Variants in GBP5 observed in about 807,000 individuals in gnomAD.
GBP5 encodes the protein guanylate binding protein 5.
GBP5 carries 48 observed loss-of-function variants against 58.2 expected under a neutral mutation model. The ratio of observed to expected loss-of-function variants is 0.83; its 90% confidence interval spans 0.65 to 1.05. The LOEUF (loss-of-function observed/expected upper bound fraction) is 1.05, where lower values mean the gene tolerates loss of function less well. Among genes scored for constraint, GBP5 ranks in the 50% least tolerant of loss-of-function variants. GBP5 has a pLI of 0.00. For missense variants in GBP5, 714 were observed against 686.8 expected (o/e 1.04, Z -0.44); for synonymous variants, 248 against 251.8 (o/e 0.98, Z 0.14).
intron 1 of GBP5, chr1:89,271,942 T>C (rs2100602392): frequency 6.6e-6 from 1 of 152,354 alleles, no homozygotes; most frequent in East Asian, 1.9e-4. Flanking sequence ...AAATCTACTT[T>C]CAAACAAAGT....
chr1:89,260,294 G>A lies in GBP5; in HGVS notation c.*410C>T, dbSNP rs112340058. 1.5e-4 allele frequency: 23 copies of A among 158,450 alleles called. No individual in the cohort carries two copies. The highest frequency in any genetic ancestry group is 3.1e-4 in the Non-Finnish European group (22 of 71,826). The allele number at this position is 158,450 out of a possible 1,614,324, so 9.8% of individuals were successfully genotyped here. On this transcript the variant is annotated 3_prime_UTR_variant, in exon 12 of 12. Coordinates refer to ENST00000370459, the MANE Select transcript of GBP5 (RefSeq NM_052942.5). ...GCTGCTCACCTCCTGCTGTGTGGCC[G>A]GGTTCCTAAGAGGCCACAGATCAGA...
At position 89,260,936 on chromosome 1, in the gene GBP5, C is replaced by T; in HGVS notation, c.1648-119G>A. Reference sequence around the variant, plus strand: ...AAACAGTTCCTGAATATCTCTCTTCCATTCACGTGCATCTAACCTATTTCT... The same window carrying T: ...AAACAGTTCCTGAATATCTCTCTTCTATTCACGTGCATCTAACCTATTTCT... On this transcript the variant is annotated intron_variant, in intron 11 of 11. Coordinates refer to ENST00000370459, the MANE Select transcript of GBP5 (RefSeq NM_052942.5). 1.1e-5 allele frequency: 7 copies of T among 663,414 alleles called. No homozygotes were observed. In the South Asian group the frequency reaches 1.2e-4, roughly 12 times the overall value. 41.1% of individuals were successfully genotyped at this position (663,414 alleles called of 1,614,324 possible).
At position 89,263,750 on chromosome 1, in the gene GBP5, G is replaced by A. The variant is rs751275007; in HGVS notation, c.1348C>T (p.Arg450Trp). Residue 450 changes from arginine to tryptophan, a missense_variant, in exon 9 of 12, where the codon CGG becomes TGG. Physicochemically the swap from Arg to Trp is moderately radical, Grantham distance 101. Transcript: ENST00000370459. ...ELKAKYYREP[R>W]KGIQAEEVLQ... is the part of the protein sequence containing the mutation. ...ACTAGGGATACCTGTATTCCTTTCC[G>A]AGGCTCCCGATAGTACTTTGCCTTC... The A allele has an allele frequency of 1.1e-5, 18 of 1,612,386 alleles. No homozygotes were observed. The highest frequency in any genetic ancestry group is 2.7e-5 in the African/African-American group (2 of 74,808).
chr1:89,267,183 A>C, intron 5 of GBP5, 30 bp from the exon 6 acceptor site: 1 of 1,541,822 alleles, frequency 6.5e-7, no homozygotes. Context: ...AACTGGCAGA[A>C]ATAGGACCAC....
chr1:89,268,107 T>C (rs1357653754), intron 4 of GBP5, among the ~76,000 whole-genome samples: 1 of 152,252 alleles, frequency 6.6e-6, no homozygotes, highest in East Asian at 1.9e-4. Context: ...ATTGTGTGCA[T>C]GTCTTCCCAA....
Position 89,263,900 on chromosome 1 carries a change from C to G in GBP5, c.1198G>C (p.Ala400Pro). ...QNDICKRNLE[A>P]SSDYCSALLK... is the part of the protein sequence containing the mutation. Reference sequence around the variant, plus strand: ...AAAGCCGAGCAATAATCCGAGGATGCTTCCAGGTTCCGTTTACAAATGTCA... The same window carrying G: ...AAAGCCGAGCAATAATCCGAGGATGGTTCCAGGTTCCGTTTACAAATGTCA... The change falls in exon 9 of 12, where the codon GCA (alanine) becomes CCA (proline). Residue 400 changes from alanine (A) to proline (P), a missense_variant. Coordinates refer to ENST00000370459, the MANE Select transcript of GBP5 (RefSeq NM_052942.5). 1 of 1,612,446 alleles carries G rather than the reference C, an allele frequency of 6.2e-7. No homozygotes were observed. Among genetic ancestry groups the G allele is most frequent in the Non-Finnish European group, 8.5e-7 (1 of 1,179,646 alleles).
intron 7 of GBP5, 25 bp from the exon 8 acceptor site, chr1:89,264,991 T>C (rs1251676128): frequency 1.3e-6 from 2 of 1,590,274 alleles, no homozygotes; most frequent in Non-Finnish European, 1.7e-6. Context: ...GAAACATTTA[T>C]ATTATTTGCA....
intron 2 of GBP5, 129 bp from the exon 3 acceptor site, chr1:89,269,703 G>T (rs537661479): frequency 1.8e-6 from 1 of 551,860 alleles, no homozygotes; most frequent in Non-Finnish European, 3.1e-6. Flanking sequence ...GAAAAAAAAA[G>T]TTTTAAAATA....
At chr1:89,266,656 T>A (rs1398918392) in intron 6 of GBP5, 68 bp from the exon 7 acceptor site, 11 of 1,388,180 alleles carry the variant, frequency 7.9e-6, no homozygotes, top group Non-Finnish European at 1.1e-5. Context: ...TTACCTTGAA[T>A]AAATGTCCTT....
chr1:89,264,044 C>G (rs192799320), intron 8 of GBP5, 96 bp from the exon 9 acceptor site: 1 of 811,708 alleles, frequency 1.2e-6, no homozygotes, highest in Non-Finnish European at 2.0e-6. Context: ...TTTCTACAAA[C>G]TTAGAGCAAG....
rs1650060842 is a variant in GBP5, at chr1:89,262,793, C to A, written c.1363-8G>T. Reference sequence around the variant, plus strand: ...CTGCAGAACTTCTTCAGCCTAGCAACCCGGAAAACATGCAGTTAGATGCAG... The same window carrying A: ...CTGCAGAACTTCTTCAGCCTAGCAAACCGGAAAACATGCAGTTAGATGCAG... On this transcript the variant is annotated splice_region_variant and splice_polypyrimidine_tract_variant and intron_variant, in intron 9 of 11. Coordinates refer to ENST00000370459, the MANE Select transcript of GBP5 (RefSeq NM_052942.5). 2.0e-6 allele frequency: 3 copies of A among 1,521,464 alleles called. No homozygotes were observed. The highest frequency in any genetic ancestry group is 1.4e-5 in the African/African-American group (1 of 70,632). The allele number at this position is 1,521,464 out of a possible 1,614,324, so 94.2% of individuals were successfully genotyped here.
intron 11 of GBP5, 139 bp downstream of exon 11, chr1:89,262,081 G>A (rs918046587): frequency 1.3e-6 from 1 of 752,846 alleles, no homozygotes; most frequent in Non-Finnish European, 2.3e-6. Context: ...CTAAGAGGTG[G>A]AGCTTGGATT....
rs781223878 is a variant in GBP5 at position 89,262,814 on chromosome 1, T to C, written c.1363-29A>G. The C allele has an allele frequency of 2.1e-5, 26 of 1,258,630 alleles. No individual in the cohort carries two copies. In the South Asian group the frequency reaches 3.0e-4, roughly 15 times the overall value. 78.0% of individuals were successfully genotyped at this position (1,258,630 alleles called of 1,614,324 possible). On this transcript the variant is annotated intron_variant, in intron 9 of 11. Transcript: ENST00000370459. ...GCAACCCGGAAAACATGCAGTTAGA[T>C]GCAGGAAATGGTGATTAGGAATGTT... is the stretch of plus-strand genomic sequence containing the variant.
Position 89,266,578 on chromosome 1 carries a change from T to C in GBP5, c.636A>G (p.Gln212=), listed in dbSNP as rs1225365464. 3.1e-6 allele frequency: 5 copies of C among 1,612,110 alleles called. No homozygotes were observed. In the African/African-American group the frequency reaches 5.3e-5, roughly 17 times the overall value. Residue 212 remains glutamine, a synonymous_variant, in exon 7 of 12, where the codon CAA becomes CAG. Coordinates refer to ENST00000370459, the MANE Select transcript of GBP5 (RefSeq NM_052942.5). The part of the protein sequence containing the change: ...NSLRPKQGSD[Q]RVQNFNLPRL... Reference sequence around the variant, plus strand: ...GGGGCAAATTGAAATTTTGAACTCTTTGATCACTACCTGGAGAATAAAAAA... The same window carrying C: ...GGGGCAAATTGAAATTTTGAACTCTCTGATCACTACCTGGAGAATAAAAAA...
intron 9 of GBP5, 146 bp from the exon 10 acceptor site, chr1:89,262,931 A>G: frequency 7.4e-6 from 4 of 538,786 alleles, no homozygotes; most frequent in Non-Finnish European, 1.3e-5. Context: ...GGTGGAGCCT[A>G]TACAGGCTTC....
rs148476506 is a variant in GBP5 at position 89,266,678 on chromosome 1, C to T, written c.626-90G>A. ...GAATAAATGTCCTTCCACCTGATGT[C>T]ACTTAGATTAATATATCTTCATAAA... On this transcript the variant is annotated intron_variant, in intron 6 of 11. Transcript: ENST00000370459. 563 of 1,203,622 alleles carry T rather than the reference C, an allele frequency of 4.7e-4. 9 individuals carry two copies. The East Asian group carries it at 0.011, about 24-fold the overall frequency. 74.6% of individuals were successfully genotyped at this position (1,203,622 alleles called of 1,614,324 possible).
At chr1:89,271,777 T>C (rs918564643) in intron 1 of GBP5, 1 of 152,178 alleles carries the variant, frequency 6.6e-6, no homozygotes, top group African/African-American at 2.4e-5. Context: ...CCAGACAGTA[T>C]TGAGGGATCC....
At chr1:89,261,689 T>C (rs1057017010) in intron 11 of GBP5, among the ~76,000 whole-genome samples, 3 of 152,162 alleles carry the variant, frequency 2.0e-5, no homozygotes, top group Non-Finnish European at 2.9e-5. Context: ...CTGACAGTGA[T>C]TGGTAAATAA....
At position 89,262,231 on chromosome 1, in the gene GBP5, G is replaced by T; in HGVS notation, c.1636C>A (p.Gln546Lys). The T allele has an allele frequency of 6.2e-7, 1 of 1,614,118 alleles. No homozygotes were observed. The highest frequency in any genetic ancestry group is 8.5e-7 in the Non-Finnish European group (1 of 1,179,974). ...WLAEQQKMQE[Q>K]QMQEQAAQLS... Reference sequence around the variant, plus strand: ...CAATTGATGAATACCTGCATCTGTTGTTCCTGCATTTTCTGTTGCTCTGCC... The same window carrying T: ...CAATTGATGAATACCTGCATCTGTTTTTCCTGCATTTTCTGTTGCTCTGCC... The change falls in exon 11 of 12, where the codon CAA (glutamine) becomes AAA (lysine). Residue 546 changes from glutamine (Q) to lysine (K), a missense_variant. Physicochemically the swap from Gln to Lys is moderately conservative, Grantham distance 53. Coordinates refer to ENST00000370459, the MANE Select transcript of GBP5 (RefSeq NM_052942.5).
Sources: allele counts gnomAD v4.1 joint callset (sites outside exome capture counted in the v4.1 genomes callset), GRCh38; gene constraint gnomAD v4.1.1; transcripts MANE v1.5; gene names NCBI Gene and HGNC (gene_info 2026-07-23, HGNC 2026-07-21).